The following SLC6A9 variants were observed in gnomAD, a reference collection of about 807,000 sequenced individuals.
SLC6A9 encodes sodium- and chloride-dependent glycine transporter 1.
Under a neutral mutation model 70.9 loss-of-function variants are expected in SLC6A9, and 31 were observed. The observed-to-expected ratio is 0.44, with a 90% CI of 0.33 to 0.59. The LOEUF (loss-of-function observed/expected upper bound fraction) is 0.59. SLC6A9 is among the 20% of genes least tolerant of loss of function. The pLI, the probability that SLC6A9 is intolerant of heterozygous loss-of-function variation, is 0.04. For synonymous variants in SLC6A9, 310 were observed against 341.3 expected (o/e 0.91, Z 1.01); for missense variants, 631 against 845.2 (o/e 0.75, Z 3.14).
At chr1:43,999,829 C>T (rs970784036) in intron 12 of SLC6A9, among the ~76,000 whole-genome samples, 11 of 152,210 alleles carry the variant, frequency 7.2e-5, no homozygotes, top group African/African-American at 2.7e-4. Flanking sequence ...CTGGGCCAGC[C>T]CTCTGACTAT....
chr1:44,001,009 A>C lies in SLC6A9; in HGVS notation c.1382T>G (p.Phe461Cys). The change falls in exon 11 of 14, where the codon TTC (phenylalanine) becomes TGC (cysteine). Residue 461 changes from phenylalanine to cysteine, a missense_variant. Physicochemically the swap from Phe to Cys is radical, Grantham distance 205. Transcript: ENST00000372310. The part of the protein sequence containing the change: ...LLLMDNYAAS[F>C]SLVVISCIMC... ...GATGCAGGAGATGACCACCAAGGAG[A>C]AGCTGGCCGCATAGTTGTCCATCAG... 2 of 1,582,436 alleles carry C rather than the reference A, an allele frequency of 1.3e-6. No individual in the cohort carries two copies. The highest frequency in any genetic ancestry group is 2.3e-5 in the South Asian group (2 of 86,006).
At chr1:44,017,115 G>T in intron 2 of SLC6A9, 1 of 1,606,204 alleles carries the variant, frequency 6.2e-7, no homozygotes, top group Non-Finnish European at 8.5e-7. Context: ...ATCGCAGCCC[G>T]CGTGTCTCCG....
chr1:44,003,273 G>A (rs1290411774), intron 5 of SLC6A9, among the ~76,000 whole-genome samples: 2 of 152,252 alleles, frequency 1.3e-5, no homozygotes, highest in East Asian at 3.8e-4. Flanking sequence ...CCTAGTTCCT[G>A]GGCGAGGAGA....
In SLC6A9 at chr1:44,010,522, GCCAGC is replaced by G. The variant is rs1315214062; in HGVS notation, c.187+199_187+203del. 1,268 of 513,274 alleles carry G rather than the reference GCCAGC, an allele frequency of 2.5e-3. 7 individuals are homozygous for G. The highest frequency in any genetic ancestry group is 2.1e-3 in the Non-Finnish European group (609 of 283,652). 31.8% of individuals were successfully genotyped at this position (513,274 alleles called of 1,614,324 possible). On this transcript the variant is annotated intron_variant, in intron 3 of 13. Coordinates refer to ENST00000372310, the MANE Select transcript of SLC6A9 (RefSeq NM_001024845.3). ...ACCTCAAAGGGGGCCAACTGGCAGGGCCAGCCCCCAACAACAGACTGCCAGGGTCT... is the reference window on the plus strand; with the variant it reads ...ACCTCAAAGGGGGCCAACTGGCAGGGCCCCAACAACAGACTGCCAGGGTCT...
chr1:44,000,875 G>A lies in SLC6A9; in HGVS notation c.1436-8C>T. 6.2e-7 allele frequency: 1 copy of A among 1,602,680 alleles called. No individual in the cohort carries two copies. The highest frequency in any genetic ancestry group is 8.5e-7 in the Non-Finnish European group (1 of 1,173,856). ...GGAAGTAGTTCCGGTGCCCTGGAGA[G>A]ATGGGGGGTCAGCAGACCCGCAGGA... is the stretch of plus-strand genomic sequence containing the variant. On this transcript the variant is annotated splice_polypyrimidine_tract_variant and splice_region_variant and intron_variant, in intron 11 of 13. Coordinates refer to ENST00000372310, the MANE Select transcript of SLC6A9 (RefSeq NM_001024845.3).
chr1:43,998,172 G>A, intron 12 of SLC6A9, 147 bp from the exon 13 acceptor site: 1 of 770,288 alleles, frequency 1.3e-6, no homozygotes, highest in South Asian at 1.9e-5. Context: ...CAACATCTGG[G>A]CCGTGGAAGA....
At chr1:44,004,097 C>T (rs943681359) in intron 5 of SLC6A9, among the ~76,000 whole-genome samples, 106 of 151,916 alleles carry the variant, frequency 7.0e-4, no homozygotes, top group African/African-American at 2.4e-3. Context: ...CAGGTTCAAG[C>T]GATTCTCCTG....
At position 43,998,216 on chromosome 1, in the gene SLC6A9, T is replaced by C. The variant is rs6671811; in HGVS notation, c.1537-191A>G. Among the ~76,000 whole-genome samples the C allele has an allele frequency of 0.063, 9,570 of 152,000 alleles. 651 individuals carry two copies. Among genetic ancestry groups the C allele is most frequent in the African/African-American group, 0.18 (7,486 of 41,420 alleles). ...GGGCCGGGGGCCGGAGCGCGGTGAGTGGGAAGGCTCTGCGGAAGGGAGAAG... is the reference window on the plus strand; with the variant it reads ...GGGCCGGGGGCCGGAGCGCGGTGAGCGGGAAGGCTCTGCGGAAGGGAGAAG... On this transcript the variant is annotated intron_variant, in intron 12 of 13. Transcript: ENST00000372310.
chr1:44,022,204 A>C (rs762618404), intron 2 of SLC6A9, among the ~76,000 whole-genome samples: 1 of 152,214 alleles, frequency 6.6e-6, no homozygotes, highest in Non-Finnish European at 1.5e-5. Context: ...GGACACTGGG[A>C]GCCATGCCCT....
rs997047857 is a variant in SLC6A9, at chr1:44,017,926, C to T, written c.30+6322G>A. ...GGTGCTAGTCTGGGAGTGTGCGTGGCGTGGGCTGGTAGGTCCAGTGGTGTC... is the reference window on the plus strand; with the variant it reads ...GGTGCTAGTCTGGGAGTGTGCGTGGTGTGGGCTGGTAGGTCCAGTGGTGTC... On this transcript the variant is annotated intron_variant, in intron 2 of 13. Transcript: ENST00000372310. Among the ~76,000 whole-genome samples, 21 of 152,194 alleles carry T rather than the reference C, an allele frequency of 1.4e-4. 1 individual carries two copies. Among genetic ancestry groups the T allele is most frequent in the Non-Finnish European group, 3.1e-4 (21 of 68,032 alleles).
intron 5 of SLC6A9, among the ~76,000 whole-genome samples, chr1:44,003,191 T>G (rs1200493094): frequency 6.6e-6 from 1 of 152,194 alleles, no homozygotes; most frequent in Non-Finnish European, 1.5e-5. Context: ...CCCAACACAG[T>G]CCACTGCTCT....
chr1:44,006,219 G>A (rs527295174), intron 5 of SLC6A9, among the ~76,000 whole-genome samples: 2 of 152,196 alleles, frequency 1.3e-5, no homozygotes, highest in South Asian at 4.2e-4. Flanking sequence ...CCCATCGGAC[G>A]GCAGCTCCGT....
chr1:44,022,778 G>A (rs990574133), intron 2 of SLC6A9, among the ~76,000 whole-genome samples: 11 of 145,828 alleles, frequency 7.5e-5, no homozygotes. Flanking sequence ...GAGTGCAGTG[G>A]CGCTTGCCTC....
rs565648703 is a variant in SLC6A9 at position 44,021,779 on chromosome 1, C to G, written c.30+2469G>C. Among the ~76,000 whole-genome samples, 14 of 152,364 alleles carry G rather than the reference C, an allele frequency of 9.2e-5. 1 individual carries two copies. The South Asian group carries it at 2.3e-3, about 25-fold the overall frequency. ...GACACAGAAGACACAAATGTGCTGA[C>G]TGGGCTGCCTGTGTTAGAAGAGACG... On this transcript the variant is annotated intron_variant, in intron 2 of 13. Transcript: ENST00000372310.
At chr1:44,010,977 C>T (rs1431753898) in intron 2 of SLC6A9, 95 bp from the exon 3 acceptor site, 15 of 1,304,914 alleles carry the variant, frequency 1.1e-5, no homozygotes, top group Non-Finnish European at 1.5e-5. Context: ...GTGGCCCCTC[C>T]AACACCCCTC....
Position 44,001,215 on chromosome 1 carries a change from G to C in SLC6A9, c.1284C>G (p.Thr428=). 2 of 1,614,232 alleles carry C rather than the reference G, an allele frequency of 1.2e-6. No individual in the cohort carries two copies. Among genetic ancestry groups the C allele is most frequent in the Middle Eastern group, 1.6e-4 (1 of 6,062 alleles). ...EWILQKKTYV[T]LGVAVAGFLL... ...GGAAGCCAGCCACAGCCACGCCCAA[G>C]GTCACATAGGTCTTTTTCTGCAGGA... Residue 428 remains threonine, a synonymous_variant, in exon 10 of 14, where the codon ACC becomes ACG. Transcript: ENST00000372310.
chr1:44,019,474 G>T (rs187808497), intron 2 of SLC6A9, among the ~76,000 whole-genome samples: 32 of 152,356 alleles, frequency 2.1e-4, no homozygotes, highest in Non-Finnish European at 2.9e-4. Context: ...TCCCATGGGC[G>T]CAGACTGAGG....
chr1:44,026,590 C>A (rs1372734875), intron 1 of SLC6A9, among the ~76,000 whole-genome samples: 1 of 147,232 alleles, frequency 6.8e-6, no homozygotes, highest in Non-Finnish European at 1.5e-5. Context: ...ATCTGGGAGG[C>A]AGAGATTGCA....
In SLC6A9 at chr1:44,009,994, C is replaced by T. The variant is rs201267211; in HGVS notation, c.290G>A (p.Gly97Glu). 5 of 1,613,968 alleles carry T rather than the reference C, an allele frequency of 3.1e-6. No homozygotes were observed. Among genetic ancestry groups the T allele is most frequent in the African/African-American group, 2.7e-5 (2 of 74,918 alleles). Residue 97 changes from glycine to glutamate, a missense_variant, in exon 4 of 14, where the codon GGG becomes GAG. Transcript: ENST00000372310. The stretch of plus-strand genomic sequence containing the variant: ...GAACATGGGGCTGATCCTCCAGACC[C>T]CCAGGCACCCCTGGCTTGCAAACTG... ...FGQFASQGCL[G>E]VWRISPMFKG...
Sources: allele counts gnomAD v4.1 joint callset (sites outside exome capture counted in the v4.1 genomes callset), GRCh38; gene constraint gnomAD v4.1.1; transcripts MANE v1.5; gene names NCBI Gene and HGNC (gene_info 2026-07-23, HGNC 2026-07-21).